RP1L1: variants seen among roughly 807,000 people sequenced by gnomAD.
RP1L1 encodes the protein RP1 like 1.
In RP1L1, 27 loss-of-function variants were observed where a neutral mutation model predicts 15.7. That is an observed-to-expected ratio of 1.72 (90% CI 1.27 to 2.38). The LOEUF (loss-of-function observed/expected upper bound fraction) is 2.38. RP1L1 is among the 30% of genes most tolerant of loss of function. RP1L1 has a pLI of 0.00. For synonymous variants in RP1L1, 1,813 were observed against 1,276.7 expected, an observed-to-expected ratio of 1.42 and a Z score of -8.96; for missense variants, 4,798 against 3,075.9, an observed-to-expected ratio of 1.56 and a Z score of -13.24.
chr8:10,642,608 C>T (rs1563139812), intron 1 of RP1L1, among the ~76,000 whole-genome samples: 1 of 152,208 alleles, frequency 6.6e-6, no homozygotes, highest in Admixed American at 6.5e-5. Flanking sequence ...TTAAGCCACT[C>T]ATATTTGATT....
At chr8:10,623,806 T>A (rs537214617) in intron 1 of RP1L1, among the ~76,000 whole-genome samples, 10 of 151,240 alleles carry the variant, frequency 6.6e-5, no homozygotes, top group Non-Finnish European at 1.3e-4. Flanking sequence ...TCCCCAACAT[T>A]GCTGTGACTC....
chr8:10,607,649 G>C lies in RP1L1; in HGVS notation c.6449C>G (p.Ala2150Gly). 1.3e-6 allele frequency: 2 copies of C among 1,586,376 alleles called. No homozygotes were observed. The highest frequency in any genetic ancestry group is 2.2e-5 in the South Asian group (2 of 89,184). Reference protein sequence around the residue: ...EAQPESEGVEAQDAEGEAQPE... With the variant: ...EAQPESEGVEGQDAEGEAQPE... ...CTGGGCCTCCCCTTCTGCATCCTGG[G>C]CCTCTACACCTTCTGACTCAGGCTG... is the stretch of plus-strand genomic sequence containing the variant. Residue 2150 changes from alanine to glycine, a missense_variant, in exon 4 of 4, where the codon GCC (alanine) becomes GGC (glycine). By Grantham distance (60) the Ala-to-Gly change is moderately conservative. Coordinates refer to ENST00000382483, the MANE Select transcript of RP1L1 (RefSeq NM_178857.6).
At chr8:10,625,681 G>A (rs969435298) in intron 1 of RP1L1, among the ~76,000 whole-genome samples, 1 of 152,184 alleles carries the variant, frequency 6.6e-6, no homozygotes, top group Non-Finnish European at 1.5e-5. Flanking sequence ...ATTGGAGGAG[G>A]CTCCAACATT....
At chr8:10,649,863 G>T (rs1490741121) in intron 1 of RP1L1, among the ~76,000 whole-genome samples, 8 of 152,158 alleles carry the variant, frequency 5.3e-5, no homozygotes, top group African/African-American at 1.4e-4. Flanking sequence ...GGATGCGGCC[G>T]ATACTGTTGG....
intron 2 of RP1L1, among the ~76,000 whole-genome samples, chr8:10,620,600 C>A (rs1798042512): frequency 6.6e-6 from 1 of 151,998 alleles, no homozygotes; most frequent in Non-Finnish European, 1.5e-5. Flanking sequence ...GAGTGAGACT[C>A]TGTCTCAAAA....
At chr8:10,649,054 G>T (rs927808950) in intron 1 of RP1L1, among the ~76,000 whole-genome samples, 1 of 152,228 alleles carries the variant, frequency 6.6e-6, no homozygotes, top group Non-Finnish European at 1.5e-5. Flanking sequence ...CCTGAGCCCA[G>T]ATGGGAGACT....
intron 1 of RP1L1, among the ~76,000 whole-genome samples, chr8:10,631,579 G>A (rs1043645455): frequency 7.9e-5 from 12 of 152,298 alleles, no homozygotes; most frequent in Middle Eastern, 3.4e-3. Context: ...AGAGATGGCC[G>A]GGAAATCCCA....
At chr8:10,616,736 C>A in intron 2 of RP1L1, 149 bp from the exon 3 acceptor site, 5 of 890,216 alleles carry the variant, frequency 5.6e-6, no homozygotes, top group Non-Finnish European at 8.3e-6. Flanking sequence ...GGGGTCTTAT[C>A]CACTCCCCAT....
In RP1L1 at chr8:10,611,009, C is replaced by T; in HGVS notation, c.3089G>A (p.Gly1030Glu). The change falls in exon 4 of 4, where the codon GGG becomes GAG. Residue 1030 changes from glycine (G) to glutamate (E), a missense_variant. By Grantham distance (98) the Gly-to-Glu change is moderately conservative. Transcript: ENST00000382483. ...TGATTGGGGACCAGTGTCACTACTC[C>T]CCAGGAGGGCTCCCTCTGGCTCTGG... ...QDPEPEGALL[G>E]SSDTGPQSGE... 1.2e-6 allele frequency: 2 copies of T among 1,612,706 alleles called. No individual in the cohort carries two copies. The highest frequency in any genetic ancestry group is 4.5e-5 in the East Asian group (2 of 44,872).
rs1798483040 is a variant in RP1L1 at position 10,646,657 on chromosome 8, A to G, written c.-20+8241T>C. Among the ~76,000 whole-genome samples, 3 of 152,096 alleles carry G rather than the reference A, an allele frequency of 2.0e-5. No homozygotes were observed. The South Asian group carries it at 6.2e-4, about 31-fold the overall frequency. Reference sequence around the variant, plus strand: ...GACCGAGCCAGCCCCTCTAAAGTCCAGGGCCTAGGAAGGGCCTCTCCTGCC... The same window carrying G: ...GACCGAGCCAGCCCCTCTAAAGTCCGGGGCCTAGGAAGGGCCTCTCCTGCC... On this transcript the variant is annotated intron_variant, in intron 1 of 3. Transcript: ENST00000382483.
rs773695295 is a variant in RP1L1 at position 10,612,414 on chromosome 8, C to G, written c.1684G>C (p.Glu562Gln). The change falls in exon 4 of 4, where the codon GAG becomes CAG. Residue 562 changes from glutamate (E) to glutamine (Q), a missense_variant. Glu to Gln is a conservative substitution (Grantham distance 29). Transcript: ENST00000382483. ...TCGCTGGCCTCCTGCTGAGAGGTCT[C>G]GGCCCTTGCCTTGCCTGGACAGCCC... ...PQGCPGKARAETSQQEASEGG... is the reference protein window; with the variant it reads ...PQGCPGKARAQTSQQEASEGG... The G allele has an allele frequency of 7.4e-6, 12 of 1,612,594 alleles. No individual in the cohort carries two copies. The highest frequency in any genetic ancestry group is 1.0e-5 in the Non-Finnish European group (12 of 1,180,044).
At chr8:10,617,023 T>G (rs1430909783) in intron 2 of RP1L1, among the ~76,000 whole-genome samples, 1 of 152,200 alleles carries the variant, frequency 6.6e-6, no homozygotes, top group African/African-American at 2.4e-5. Flanking sequence ...CTGTGCTGCC[T>G]AATCTGTGTT....
In RP1L1 at chr8:10,609,335, A is replaced by G; in HGVS notation, c.4763T>C (p.Leu1588Pro). The G allele has an allele frequency of 6.2e-7, 1 of 1,612,140 alleles. No homozygotes were observed. The highest frequency in any genetic ancestry group is 1.1e-5 in the South Asian group (1 of 91,016). Residue 1588 changes from leucine to proline, a missense_variant, in exon 4 of 4, where the codon CTG becomes CCG. By Grantham distance (98) the Leu-to-Pro change is moderately conservative (BLOSUM62 -3). Coordinates refer to ENST00000382483, the MANE Select transcript of RP1L1 (RefSeq NM_178857.6). ...GGTGAGGGCCTCCCTTGGAGGCTCCAGCACCATCCTACCCGCCCGGCCCTG... is the reference window on the plus strand; with the variant it reads ...GGTGAGGGCCTCCCTTGGAGGCTCCGGCACCATCCTACCCGCCCGGCCCTG... ...KLQGRAGRMV[L>P]EPPREALTGE...
At chr8:10,620,727 G>A (rs1227722461) in intron 2 of RP1L1, among the ~76,000 whole-genome samples, 1 of 152,224 alleles carries the variant, frequency 6.6e-6, no homozygotes, top group Non-Finnish European at 1.5e-5. Flanking sequence ...TGTGTTGGCT[G>A]GGGTGGCTGG....
rs957616742 is a variant in RP1L1 at position 10,616,749 on chromosome 8, C to T, written c.610-162G>A. ...GAGGGGTCTTATCCACTCCCCATAA[C>T]ACCTCTATCACTAGCTGGAGGCTGA... On this transcript the variant is annotated intron_variant, in intron 2 of 3. Transcript: ENST00000382483. 2.6e-5 allele frequency among the ~76,000 whole-genome samples: 4 copies of T among 152,192 alleles called. No homozygotes were observed. In the South Asian group the frequency reaches 8.3e-4, roughly 32 times the overall value.
rs368842714 is a variant in RP1L1 at position 10,611,629 on chromosome 8, G to A, written c.2469C>T (p.Ser823=). ...PEQGAVGPHR[S]HCCSQPGTQP... ...GCGTCCCAGGCTGTGAGCAGCAGTG[G>A]CTTCGGTGGGGGCCCACCGCCCCTT... The change falls in exon 4 of 4, where the codon AGC becomes AGT. Residue 823 remains serine, a synonymous_variant. Transcript: ENST00000382483. 128 of 1,612,916 alleles carry A rather than the reference G, an allele frequency of 7.9e-5. 1 individual carries two copies. The highest frequency in any genetic ancestry group is 9.5e-5 in the Non-Finnish European group (112 of 1,179,850).
Position 10,609,009 on chromosome 8 carries a change from T to C in RP1L1, c.5089A>G (p.Arg1697Gly), listed in dbSNP as rs1229768696. Residue 1697 changes from arginine (R) to glycine (G), a missense_variant, in exon 4 of 4, where the codon AGG (arginine) becomes GGG (glycine). Transcript: ENST00000382483. ...GCCTCCCCATCAGTGTGTTCTCCCC[T>C]CTTCCTCTGCAGAATCTGCTGCAGG... The part of the protein sequence containing the change: ...FDLQQILQRK[R>G]GEHTDGEAAE... 16 of 1,613,298 alleles carry C rather than the reference T, an allele frequency of 9.9e-6. No individual in the cohort carries two copies. Among genetic ancestry groups the C allele is most frequent in the Non-Finnish European group, 1.3e-5 (15 of 1,179,412 alleles).
At position 10,611,160 on chromosome 8, in the gene RP1L1, T is replaced by C. The variant is rs1361570575; in HGVS notation, c.2938A>G (p.Thr980Ala). 1.2e-6 allele frequency: 2 copies of C among 1,612,812 alleles called. No homozygotes were observed. Among genetic ancestry groups the C allele is most frequent in the Non-Finnish European group, 1.7e-6 (2 of 1,180,020 alleles). The change falls in exon 4 of 4, where the codon ACA becomes GCA. Residue 980 changes from threonine to alanine, a missense_variant. Physicochemically the swap from Thr to Ala is moderately conservative, Grantham distance 58. Coordinates refer to ENST00000382483, the MANE Select transcript of RP1L1 (RefSeq NM_178857.6). ...CTCAGGCCACCCCCAGCTGCACCTG[T>C]GGTCTCGTCCGCCAACTCATATGTC... ...LMTYELADET[T>A]GAAGGGLRGP...
At position 10,608,271 on chromosome 8, in the gene RP1L1, C is replaced by T. The variant is rs1165519216; in HGVS notation, c.5827G>A (p.Ala1943Thr). 1.9e-6 allele frequency: 3 copies of T among 1,596,782 alleles called. No individual in the cohort carries two copies. The highest frequency in any genetic ancestry group is 2.2e-5 in the South Asian group (2 of 90,146). ...TCTGCCTCCTGGGCCGCCTCTTCTG[C>T]CTCTTGGGCCTCTGCACCTTCTGAC... Reference protein sequence around the residue: ...PESEGAEAQEAEEAAQEAEGQ... With the variant: ...PESEGAEAQETEEAAQEAEGQ... The change falls in exon 4 of 4, where the codon GCA becomes ACA. Residue 1943 changes from alanine to threonine, a missense_variant. Ala to Thr is a moderately conservative substitution (Grantham distance 58). Transcript: ENST00000382483.
Sources: gnomAD v4.1 joint callset for allele counts (sites outside exome capture counted in the v4.1 genomes callset) on GRCh38, gnomAD v4.1.1 for gene constraint, MANE v1.5 for transcripts, NCBI Gene and HGNC (gene_info 2026-07-23, HGNC 2026-07-21) for gene names.